TRPM8: variants seen among roughly 807,000 people sequenced by gnomAD.
TRPM8 encodes the protein transient receptor potential cation channel subfamily M member 8, also known as TRPM8 cationic channel.
A neutral mutation model predicts 133.7 loss-of-function variants in TRPM8; 110 were observed. The ratio of observed to expected loss-of-function variants is 0.82; its 90% CI spans 0.70 to 0.96. The LOEUF (loss-of-function observed/expected upper bound fraction) is 0.96. Among genes scored for constraint, TRPM8 ranks in the 40% least tolerant of loss-of-function variants. The pLI is 0.00. For synonymous variants in TRPM8, 535 were observed against 532.3 expected (o/e 1.01, Z -0.07); for missense variants, 1,291 against 1,379.5 (o/e 0.94, Z 1.02).
intron 18 of TRPM8, among the ~76,000 whole-genome samples, chr2:233,980,652 G>A (rs1691983293): frequency 6.6e-6 from 1 of 152,156 alleles, no homozygotes; most frequent in Admixed American, 6.5e-5. Context: ...ACAGACATGA[G>A]CCTCTGCCCC....
chr2:234,006,094 G>A (rs898606108), intron 22 of TRPM8, among the ~76,000 whole-genome samples: 1 of 152,090 alleles, frequency 6.6e-6, no homozygotes, highest in Non-Finnish European at 1.5e-5. Flanking sequence ...ACATTTAAAT[G>A]GTAACTCAAA....
chr2:233,982,402 A>G (rs918185363), intron 19 of TRPM8, among the ~76,000 whole-genome samples: 1 of 152,186 alleles, frequency 6.6e-6, no homozygotes. Flanking sequence ...AGAATTACAC[A>G]TGGATGGTGT....
rs971907005 is a variant in TRPM8, at chr2:233,960,841, C to T, written c.1428C>T (p.Leu476=). The T allele has an allele frequency of 1.9e-6, 3 of 1,614,070 alleles. No homozygotes were observed. The highest frequency in any genetic ancestry group is 2.2e-5 in the East Asian group (1 of 44,892). The change falls in exon 12 of 26, where the codon CTC becomes CTT. Residue 476 remains leucine (L), a synonymous_variant. Coordinates refer to ENST00000324695, the MANE Select transcript of TRPM8 (RefSeq NM_024080.5). The part of the protein sequence containing the change: ...LIKDRPKFVR[L]FLENGLNLRK... ...AGGACAGACCCAAGTTTGTCCGCCTCTTTCTGGAGAATGGCTTGAACCTAC... is the reference window on the plus strand; with the variant it reads ...AGGACAGACCCAAGTTTGTCCGCCTTTTTCTGGAGAATGGCTTGAACCTAC...
At chr2:233,962,180 A>T (rs1691455931) in intron 12 of TRPM8, among the ~76,000 whole-genome samples, 1 of 152,186 alleles carries the variant, frequency 6.6e-6, no homozygotes, top group Non-Finnish European at 1.5e-5. Context: ...TGTGGCTGTA[A>T]CACCTATAAT....
intron 3 of TRPM8, chr2:233,933,784 G>A (rs1252332125): frequency 2.4e-5 from 4 of 165,550 alleles, no homozygotes; most frequent in African/African-American, 9.7e-5. Context: ...GATCCCAAAG[G>A]ATGGTGGGAC....
chr2:233,992,855 G>A (rs1380291573), intron 21 of TRPM8, among the ~76,000 whole-genome samples: 1 of 152,182 alleles, frequency 6.6e-6, no homozygotes, highest in East Asian at 1.9e-4. Context: ...CTGAGGGGGT[G>A]TGCACGTGCT....
At chr2:234,009,335 G>A (rs989013015) in intron 24 of TRPM8, among the ~76,000 whole-genome samples, 16 of 152,184 alleles carry the variant, frequency 1.1e-4, no homozygotes, top group African/African-American at 3.6e-4. Flanking sequence ...TGACTTCGGA[G>A]GGAGCTAATG....
At chr2:233,985,594 A>C in intron 20 of TRPM8, 94 bp from the exon 21 acceptor site, 5 of 1,247,900 alleles carry the variant, frequency 4.0e-6, no homozygotes, top group Non-Finnish European at 4.6e-6. Flanking sequence ...AAGACATTTC[A>C]TGACCACTGA....
At chr2:234,000,413 T>C (rs1692526085) in intron 22 of TRPM8, among the ~76,000 whole-genome samples, 1 of 152,104 alleles carries the variant, frequency 6.6e-6, no homozygotes, top group South Asian at 2.1e-4. Context: ...CCTGGCCCTG[T>C]GTGGATGTTT....
At chr2:233,985,906 C>A in intron 21 of TRPM8, 41 bp downstream of exon 21, 1 of 1,562,470 alleles carries the variant, frequency 6.4e-7, no homozygotes, top group East Asian at 2.3e-5. Flanking sequence ...CCACCCTGGG[C>A]CAAGCCCCAT....
intron 3 of TRPM8, among the ~76,000 whole-genome samples, chr2:233,932,674 G>A (rs556550919): frequency 3.6e-4 from 54 of 152,038 alleles, no homozygotes; most frequent in East Asian, 7.7e-4. Context: ...GTGGGCAGCC[G>A]CAGCCCTCAG....
chr2:233,966,808 C>T, intron 15 of TRPM8, 53 bp downstream of exon 15: 3 of 1,460,302 alleles, frequency 2.1e-6, no homozygotes, highest in Non-Finnish European at 9.1e-7. Flanking sequence ...GCTTTTATGT[C>T]AGATGCTACT....
In TRPM8 at chr2:234,000,511, A is replaced by ATT. The variant is rs576812401; in HGVS notation, c.3130+3996_3130+3997insTT. Among the ~76,000 whole-genome samples the ATT allele has an allele frequency of 9.5e-4, 145 of 152,282 alleles. 1 individual carries two copies. Among genetic ancestry groups the ATT allele is most frequent in the African/African-American group, 3.3e-3 (138 of 41,548 alleles). ...CTTGATATTTATAAATTATTCAGTT[A>ATT]TCTTGTTACAGTCAGGGAGGAAAAA... On this transcript the variant is annotated intron_variant, in intron 22 of 25. Coordinates refer to ENST00000324695, the MANE Select transcript of TRPM8 (RefSeq NM_024080.5).
intron 9 of TRPM8, 68 bp downstream of exon 9, chr2:233,950,214 T>C (rs919239169): frequency 6.8e-7 from 1 of 1,464,200 alleles, no homozygotes; most frequent in African/African-American, 1.4e-5. Flanking sequence ...GAGAATGCCT[T>C]AAACGCCCAA....
chr2:233,957,674 C>G (rs1024761803), intron 11 of TRPM8, among the ~76,000 whole-genome samples: 4 of 151,946 alleles, frequency 2.6e-5, no homozygotes, highest in Non-Finnish European at 4.4e-5. Flanking sequence ...CTCTGAAGGC[C>G]AATTGTGTAT....
At chr2:233,972,647 A>T (rs1691758070) in intron 17 of TRPM8, among the ~76,000 whole-genome samples, 1 of 152,202 alleles carries the variant, frequency 6.6e-6, no homozygotes, top group African/African-American at 2.4e-5. Context: ...TGAGAAATTG[A>T]GTGCAGCGCC....
In TRPM8 at chr2:233,950,046, A is replaced by T. The variant is rs780538398; in HGVS notation, c.1040A>T (p.Asp347Val). 1 of 1,614,138 alleles carries T rather than the reference A, an allele frequency of 6.2e-7. No individual in the cohort carries two copies. The highest frequency in any genetic ancestry group is 1.7e-5 in the Admixed American group (1 of 60,014). Reference protein sequence around the residue: ...DVIASLVEVEDALTSSAVKEK... With the variant: ...DVIASLVEVEVALTSSAVKEK... ...ATCGCTAGCCTGGTGGAGGTGGAGG[A>T]TGCCCTGACATCTTCTGCCGTCAAG... Residue 347 changes from aspartate to valine, a missense_variant, in exon 9 of 26, where the codon GAT becomes GTT. Transcript: ENST00000324695.
intron 3 of TRPM8, among the ~76,000 whole-genome samples, chr2:233,931,563 G>C (rs527973758): frequency 6.6e-6 from 1 of 152,224 alleles, no homozygotes; most frequent in African/African-American, 2.4e-5. Context: ...ACTCCTCACT[G>C]TGTGGCCTTG....
intron 5 of TRPM8, among the ~76,000 whole-genome samples, chr2:233,941,238 C>T (rs193283075): frequency 1.3e-5 from 2 of 152,100 alleles, no homozygotes; most frequent in South Asian, 2.1e-4. Context: ...TTTAGCTATA[C>T]GGATTTTAAA....
Sources: allele counts gnomAD v4.1 joint callset (sites outside exome capture counted in the v4.1 genomes callset), GRCh38; gene constraint gnomAD v4.1.1; transcripts MANE v1.5; gene names NCBI Gene and HGNC (gene_info 2026-07-23, HGNC 2026-07-21).